The following KCNQ1 variants were observed in gnomAD, a reference collection of about 807,000 sequenced individuals.
KCNQ1 encodes the protein potassium voltage-gated channel subfamily KQT member 1.
A neutral mutation model predicts 72.4 loss-of-function variants in KCNQ1; 49 were observed. The ratio of observed to expected loss-of-function variants is 0.68; its 90% confidence interval spans 0.54 to 0.86. The LOEUF is 0.86. Among genes scored for constraint, KCNQ1 ranks in the 40% least tolerant of loss-of-function variants. The probability of loss-of-function intolerance (pLI) is 0.00; values close to 1 mark genes in which losing one functional copy is unlikely to be tolerated. For missense variants in KCNQ1, 790 were observed against 945.1 expected (o/e 0.84, Z 2.15); for synonymous variants, 450 against 412.6 (o/e 1.09, Z -1.10).
intron 10 of KCNQ1, among the ~76,000 whole-genome samples, chr11:2,606,892 A>ATTTTTTTTTTT (rs869121696): frequency 1.2e-5 from 1 of 82,766 alleles, no homozygotes; most frequent in Non-Finnish European, 2.2e-5. Flanking sequence ...ATTATCTGTG[A>ATTTTTTTTTTT]TTTTTTTTTT....
rs1303577914 is a variant in KCNQ1, at chr11:2,764,077, ATG to A, written c.1515-4764_1515-4763del. Among the ~76,000 whole-genome samples the A allele has an allele frequency of 2.0e-5, 3 of 152,188 alleles. No individual in the cohort carries two copies. The East Asian group carries it at 5.8e-4, about 29-fold the overall frequency. On this transcript the variant is annotated intron_variant, in intron 11 of 15. Transcript: ENST00000155840. The surrounding 1 kb of genome is among the most constrained non-coding windows in gnomAD (Gnocchi z 4.8). ...CATACCAGCTGGGACTTTCTGGACA[ATG>A]TGAAATAGAAACGATAACATCCTTG...
rs907950129 is a variant in KCNQ1 at position 2,710,503 on chromosome 11, C to G, written c.1514+48422C>G. On this transcript the variant is annotated intron_variant, in intron 11 of 15. Coordinates refer to ENST00000155840, the MANE Select transcript of KCNQ1 (RefSeq NM_000218.3). The surrounding 1 kb of genome is among the most constrained non-coding windows in gnomAD (Gnocchi z 4.1). ...TTGATGAAGTTCAATTTATCTGTTT[C>G]TTTCTTTGGATGCTTATGTTTTTGG... is the stretch of plus-strand genomic sequence containing the variant. Among the ~76,000 whole-genome samples the G allele has an allele frequency of 1.3e-5, 2 of 152,140 alleles. No homozygotes were observed. The highest frequency in any genetic ancestry group is 6.5e-5 in the Admixed American group (1 of 15,274).
At position 2,785,039 on chromosome 11, in the gene KCNQ1, C is replaced by T. The variant is rs534799937; in HGVS notation, c.1794+7002C>T. Among the ~76,000 whole-genome samples, 7 of 152,060 alleles carry T rather than the reference C, an allele frequency of 4.6e-5. No individual in the cohort carries two copies. The East Asian group carries it at 1.3e-3, about 29-fold the overall frequency. Reference sequence around the variant, plus strand: ...TCTTTGTTTTGCCTAATTGCACTGGCTTGAACTTCAAAAAAAATATTGACT... The same window carrying T: ...TCTTTGTTTTGCCTAATTGCACTGGTTTGAACTTCAAAAAAAATATTGACT... On this transcript the variant is annotated intron_variant, in intron 15 of 15. Transcript: ENST00000155840. This position sits in a 1 kb window ranked among gnomAD's most constrained non-coding sequence, Gnocchi z 4.4.
chr11:2,776,873 G>A (rs886435392), intron 13 of KCNQ1, 113 bp from the exon 14 acceptor site: 2 of 1,056,524 alleles, frequency 1.9e-6, no homozygotes, highest in Admixed American at 1.9e-5. Flanking sequence ...CCCAGAGTGG[G>A]TGGACAGTCC....
At chr11:2,610,509 GCTTTGCT>G (rs1848962717) in intron 10 of KCNQ1, 1 of 398,322 alleles carries the variant, frequency 2.5e-6, no homozygotes, top group Non-Finnish European at 4.4e-6. Flanking sequence ...CTCTAGAACA[GCTTTGCT>G]CCTATTTACC....
At chr11:2,539,564 C>T (rs547842744) in intron 2 of KCNQ1, among the ~76,000 whole-genome samples, 18 of 152,276 alleles carry the variant, frequency 1.2e-4, no homozygotes, top group South Asian at 4.1e-4. Flanking sequence ...GAAGGGAACA[C>T]CGCCATGGTG....
chr11:2,484,411 C>T lies in KCNQ1; in HGVS notation c.386+38927C>T, dbSNP rs1051260306. On this transcript the variant is annotated intron_variant, in intron 1 of 15. Transcript: ENST00000155840. The surrounding 1 kb of genome is among the most constrained non-coding windows in gnomAD (Gnocchi z 5.2). ...AACTCCTAACCTCAGGTGATCCACC[C>T]GCCTTGGCCTCCCAAAGTGCAGGGA... 3.5e-4 allele frequency among the ~76,000 whole-genome samples: 53 copies of T among 152,162 alleles called. No homozygotes were observed. Among genetic ancestry groups the T allele is most frequent in the African/African-American group, 1.2e-3 (48 of 41,436 alleles).
At chr11:2,596,997 A>T (rs1848742730) in intron 10 of KCNQ1, among the ~76,000 whole-genome samples, 1 of 152,164 alleles carries the variant, frequency 6.6e-6, no homozygotes, top group African/African-American at 2.4e-5. Context: ...TTTAATTGCT[A>T]TATAAAAACG....
At chr11:2,811,157 G>A (rs1179942089) in intron 15 of KCNQ1, among the ~76,000 whole-genome samples, 1 of 152,182 alleles carries the variant, frequency 6.6e-6, no homozygotes, top group Admixed American at 6.5e-5. Flanking sequence ...TCTGGAGCCT[G>A]TCACACCCCT....
In KCNQ1 at chr11:2,623,900, T is replaced by C. The variant is rs965985675; in HGVS notation, c.1393+35046T>C. 2 of 398,528 alleles carry C rather than the reference T, an allele frequency of 5.0e-6. No individual in the cohort carries two copies. The highest frequency in any genetic ancestry group is 3.6e-5 in the East Asian group (1 of 28,084). The allele number at this position is 398,528 out of a possible 1,614,324, so 24.7% of individuals were successfully genotyped here. On this transcript the variant is annotated intron_variant, in intron 10 of 15. Coordinates refer to ENST00000155840, the MANE Select transcript of KCNQ1 (RefSeq NM_000218.3). The surrounding 1 kb of genome is among the most constrained non-coding windows in gnomAD (Gnocchi z 5.2). ...TATGTATACACATTCAGAAGTGGAA[T>C]TGATGGATCCTATGATAATTCCATT...
At position 2,723,899 on chromosome 11, in the gene KCNQ1, T is replaced by C. The variant is rs1458971718; in HGVS notation, c.1515-44945T>C. Among the ~76,000 whole-genome samples the C allele has an allele frequency of 6.6e-6, 1 of 152,180 alleles. No homozygotes were observed. The highest frequency in any genetic ancestry group is 1.5e-5 in the Non-Finnish European group (1 of 68,016). Reference sequence around the variant, plus strand: ...GACCTCGGGACGAGGAAGTCACACGTTGGGGGATGTGCCGCAGGGATGGGG... The same window carrying C: ...GACCTCGGGACGAGGAAGTCACACGCTGGGGGATGTGCCGCAGGGATGGGG... On this transcript the variant is annotated intron_variant, in intron 11 of 15. Transcript: ENST00000155840. This position sits in a 1 kb window ranked among gnomAD's most constrained non-coding sequence, Gnocchi z 4.2.
rs1227920327 is a variant in KCNQ1, at chr11:2,566,199, C to T, written c.478-4429C>T. On this transcript the variant is annotated intron_variant, in intron 2 of 15. Transcript: ENST00000155840. This position sits in a 1 kb window ranked among gnomAD's most constrained non-coding sequence, Gnocchi z 6.7. ...TGGTGTCCTTATCTCATGTCTGGGT[C>T]CCCTTTGCCAAGGGTCCTCCAGCCT... is the stretch of plus-strand genomic sequence containing the variant. Among the ~76,000 whole-genome samples the T allele has an allele frequency of 6.6e-6, 1 of 152,158 alleles. No homozygotes were observed. The highest frequency in any genetic ancestry group is 2.4e-5 in the African/African-American group (1 of 41,430).
Position 2,471,428 on chromosome 11 carries a change from A to G in KCNQ1, c.386+25944A>G, listed in dbSNP as rs938822479. Among the ~76,000 whole-genome samples the G allele has an allele frequency of 2.0e-5, 3 of 152,182 alleles. No individual in the cohort carries two copies. Among genetic ancestry groups the G allele is most frequent in the African/African-American group, 4.8e-5 (2 of 41,448 alleles). ...ACAGCCTCTGACACTCCACGGCACT[A>G]AAGTGTCAAGAGACCCAGGGGACCT... is the stretch of plus-strand genomic sequence containing the variant. On this transcript the variant is annotated intron_variant, in intron 1 of 15. Transcript: ENST00000155840. The surrounding 1 kb of genome is among the most constrained non-coding windows in gnomAD (Gnocchi z 4.8).
At chr11:2,709,439 A>G (rs1483993635) in intron 11 of KCNQ1, among the ~76,000 whole-genome samples, 1 of 150,156 alleles carries the variant, frequency 6.7e-6, no homozygotes, top group African/African-American at 2.5e-5. Context: ...TTTATTTTGT[A>G]TTTTTTGGTG....
chr11:2,644,262 T>C (rs1191615793), intron 10 of KCNQ1: 2 of 398,418 alleles, frequency 5.0e-6, no homozygotes, highest in South Asian at 2.5e-4. Flanking sequence ...ACATAGCCTT[T>C]GTTCATTCTT....
chr11:2,821,672 A>G (rs1450238559), intron 15 of KCNQ1, among the ~76,000 whole-genome samples: 2 of 152,040 alleles, frequency 1.3e-5, no homozygotes, highest in Non-Finnish European at 2.9e-5. Context: ...AAACCCTCCC[A>G]GCCATTTGAG....
At chr11:2,707,829 G>A (rs979373632) in intron 11 of KCNQ1, among the ~76,000 whole-genome samples, 2 of 152,220 alleles carry the variant, frequency 1.3e-5, no homozygotes, top group African/African-American at 4.8e-5. Flanking sequence ...TCTGCCACAC[G>A]GCCTTGGTGT....
Position 2,495,132 on chromosome 11 carries a change from GT to G in KCNQ1, c.387-32791del, listed in dbSNP as rs950383040. 1.1e-4 allele frequency among the ~76,000 whole-genome samples: 16 copies of G among 152,262 alleles called. No homozygotes were observed. Among genetic ancestry groups the G allele is most frequent in the Non-Finnish European group, 2.1e-4 (14 of 68,032 alleles). ...TTTTCTAGTTTATTTGCATGGAGGTGTTTTTAGTATTCTCTGATGGTAGTTT... is the reference window on the plus strand; with the variant it reads ...TTTTCTAGTTTATTTGCATGGAGGTGTTTTAGTATTCTCTGATGGTAGTTT... On this transcript the variant is annotated intron_variant, in intron 1 of 15. Coordinates refer to ENST00000155840, the MANE Select transcript of KCNQ1 (RefSeq NM_000218.3). This position sits in a 1 kb window ranked among gnomAD's most constrained non-coding sequence, Gnocchi z 4.6.
At position 2,547,683 on chromosome 11, in the gene KCNQ1, C is replaced by G. The variant is rs780285563; in HGVS notation, c.477+19665C>G. On this transcript the variant is annotated intron_variant, in intron 2 of 15. Coordinates refer to ENST00000155840, the MANE Select transcript of KCNQ1 (RefSeq NM_000218.3). This position sits in a 1 kb window ranked among gnomAD's most constrained non-coding sequence, Gnocchi z 4.2. ...TAGTGCCTATACCACAAACAATAAGCTGACTCCATTTCCATCTTTTATAAG... is the reference window on the plus strand; with the variant it reads ...TAGTGCCTATACCACAAACAATAAGGTGACTCCATTTCCATCTTTTATAAG... Among the ~76,000 whole-genome samples the G allele has an allele frequency of 2.0e-5, 3 of 152,190 alleles. No individual in the cohort carries two copies. The highest frequency in any genetic ancestry group is 4.4e-5 in the Non-Finnish European group (3 of 68,040).
Sources: gnomAD v4.1 joint callset for allele counts (sites outside exome capture counted in the v4.1 genomes callset) on GRCh38, gnomAD v4.1.1 for gene constraint, Gnocchi (gnomAD v3.1) non-coding constraint, MANE v1.5 for transcripts, NCBI Gene and HGNC (gene_info 2026-07-23, HGNC 2026-07-21) for gene names.